PRSS23: variants seen among roughly 807,000 people sequenced by gnomAD.
PRSS23 encodes the protein serine protease 23.
Under a neutral mutation model 34.7 loss-of-function variants are expected in PRSS23, and 25 were observed. The ratio of observed to expected loss-of-function variants is 0.72; its 90% CI spans 0.53 to 1.01. PRSS23 has a LOEUF of 1.01. PRSS23 is among the 50% of genes least tolerant of loss of function. The pLI is 0.00. For synonymous variants in PRSS23, 176 were observed against 186.6 expected, an observed-to-expected ratio of 0.94 and a Z score of 0.46; for missense variants, 445 against 475.6, an observed-to-expected ratio of 0.94 and a Z score of 0.60.
At position 86,896,074 on chromosome 11, in the gene PRSS23, G is replaced by A. The variant is rs907109253; in HGVS notation, c.207-55142G>A. On this transcript the variant is annotated intron_variant, in intron 2 of 2. Coordinates refer to the PRSS23 transcript ENST00000533902. ...TTTGTCTCTTATTTATTTTGAAATG[G>A]GGGTCTTTTTAAACTCCTTAAAACT... 3.9e-5 allele frequency among the ~76,000 whole-genome samples: 6 copies of A among 152,164 alleles called. No individual in the cohort carries two copies. In the East Asian group the frequency reaches 1.2e-3, roughly 29 times the overall value.
At chr11:86,939,895 G>A (rs1162110321) in intron 2 of PRSS23, among the ~76,000 whole-genome samples, 1 of 151,972 alleles carries the variant, frequency 6.6e-6, no homozygotes, top group African/African-American at 2.4e-5. Flanking sequence ...AAAAATGTGG[G>A]CCCATGATAT....
intron 2 of PRSS23, among the ~76,000 whole-genome samples, chr11:86,927,188 T>A (rs756496172): frequency 2.6e-4 from 40 of 152,260 alleles, no homozygotes; most frequent in Non-Finnish European, 4.6e-4. Flanking sequence ...AGGAGAGTAG[T>A]CAGAGGGAAA....
upstream of PRSS23, among the ~76,000 whole-genome samples, chr11:86,797,401 G>C (rs1351780668): frequency 6.6e-6 from 1 of 152,192 alleles, no homozygotes; most frequent in South Asian, 2.1e-4. Context: ...CCAGGAAGTA[G>C]CCTCTCATTT....
chr11:86,939,431 T>TTTTTTTTAAAAAATATATATATA (rs1555084022), intron 2 of PRSS23, among the ~76,000 whole-genome samples: 1 of 141,752 alleles, frequency 7.1e-6, no homozygotes. Flanking sequence ...TATATATTTT[T>TTTTTTTTAAAAAATATATATATA]TAACATGAGT....
intron 2 of PRSS23, among the ~76,000 whole-genome samples, chr11:86,831,292 A>T (rs1948353402): frequency 1.3e-5 from 2 of 151,822 alleles, no homozygotes; most frequent in South Asian, 4.2e-4. Flanking sequence ...AGGGAATATT[A>T]CTCCTAATGT....
At chr11:86,948,616 G>T (rs928351340) in intron 2 of PRSS23, 1 of 152,142 alleles carries the variant, frequency 6.6e-6, no homozygotes, top group Non-Finnish European at 1.5e-5. Context: ...GAGATTTGTG[G>T]AAAAGGCATG....
At chr11:86,951,496 A>C (rs1949291925) in exon 3 of PRSS23, 2 of 1,614,154 alleles carry the variant, frequency 1.2e-6, no homozygotes, top group African/African-American at 1.3e-5. Flanking sequence ...CATCCTTTTG[A>C]AGATTTGACC....
At chr11:86,890,540 G>C (rs1948834529) in intron 2 of PRSS23, among the ~76,000 whole-genome samples, 1 of 152,188 alleles carries the variant, frequency 6.6e-6, no homozygotes, top group Non-Finnish European at 1.5e-5. Flanking sequence ...CTGAATGTGT[G>C]TTCCAAACTA....
intron 2 of PRSS23, among the ~76,000 whole-genome samples, chr11:86,831,295 C>T (rs1948353451): frequency 6.6e-6 from 1 of 151,820 alleles, no homozygotes; most frequent in Admixed American, 6.6e-5. Flanking sequence ...GAATATTACT[C>T]CTAATGTCAT....
intron 2 of PRSS23, among the ~76,000 whole-genome samples, chr11:86,916,018 G>A (rs1460385734): frequency 6.6e-6 from 1 of 152,154 alleles, no homozygotes; most frequent in Non-Finnish European, 1.5e-5. Flanking sequence ...TCACACCACT[G>A]CATTCCAGCC....
intron 2 of PRSS23, among the ~76,000 whole-genome samples, chr11:86,871,404 G>T (rs889952884): frequency 1.6e-4 from 25 of 152,138 alleles, no homozygotes; most frequent in African/African-American, 5.6e-4. Context: ...TTTAGGCCTT[G>T]TGTAGTCTTA....
At chr11:86,892,553 C>T (rs1172819730) in intron 2 of PRSS23, among the ~76,000 whole-genome samples, 1 of 152,158 alleles carries the variant, frequency 6.6e-6, no homozygotes, top group Non-Finnish European at 1.5e-5. Flanking sequence ...GTTCCAAATA[C>T]ACATGATATG....
chr11:86,850,308 G>A (rs1182909301), intron 2 of PRSS23, among the ~76,000 whole-genome samples: 1 of 152,156 alleles, frequency 6.6e-6, no homozygotes, highest in African/African-American at 2.4e-5. Context: ...CCCCTCTGGA[G>A]GACACCACAA....
At chr11:86,817,753 C>T (rs1271401264) in intron 1 of PRSS23, among the ~76,000 whole-genome samples, 1 of 152,144 alleles carries the variant, frequency 6.6e-6, no homozygotes, top group Non-Finnish European at 1.5e-5. Context: ...GTATTGAGTA[C>T]CTGTAATGTG....
At chr11:86,887,629 C>T (rs1948811712) in intron 2 of PRSS23, among the ~76,000 whole-genome samples, 1 of 152,192 alleles carries the variant, frequency 6.6e-6, no homozygotes. Context: ...GAATCACATT[C>T]AATTCCACAC....
intron 2 of PRSS23, among the ~76,000 whole-genome samples, chr11:86,897,572 A>G (rs1316314253): frequency 2.0e-5 from 3 of 152,212 alleles, no homozygotes; most frequent in African/African-American, 4.8e-5. Context: ...TACTGGGCTC[A>G]AGTAATCCTC....
chr11:86,858,533 A>G (rs947600675), intron 2 of PRSS23, among the ~76,000 whole-genome samples: 5 of 151,896 alleles, frequency 3.3e-5, no homozygotes, highest in African/African-American at 1.2e-4. Context: ...ATCCAAGGGA[A>G]GAGAGGAAGA....
At chr11:86,854,009 C>CT (rs988771178) in intron 2 of PRSS23, among the ~76,000 whole-genome samples, 26 of 151,346 alleles carry the variant, frequency 1.7e-4, no homozygotes, top group Non-Finnish European at 2.2e-4. Context: ...GCTATATCTT[C>CT]TTTTTTTTTG....
At chr11:86,924,446 C>T (rs1415350174) in intron 2 of PRSS23, among the ~76,000 whole-genome samples, 4 of 152,132 alleles carry the variant, frequency 2.6e-5, no homozygotes, top group Non-Finnish European at 4.4e-5. Context: ...ATTTTGGAGA[C>T]CTGGGACCAA....
Sources: gnomAD v4.1 joint callset for allele counts (sites outside exome capture counted in the v4.1 genomes callset) on GRCh38, gnomAD v4.1.1 for gene constraint, MANE v1.5 for transcripts, NCBI Gene and HGNC (gene_info 2026-07-23, HGNC 2026-07-21) for gene names.